The following GRM5 variants were observed in gnomAD, a reference collection of about 807,000 sequenced individuals.
The protein encoded by GRM5 is glutamate metabotropic receptor 5, also known as metabotropic glutamate receptor 5.
A neutral mutation model predicts 83.1 loss-of-function variants in GRM5; 19 were observed. The observed-to-expected ratio is 0.23, with a 90% CI of 0.16 to 0.34. The LOEUF (loss-of-function observed/expected upper bound fraction) is 0.34, where lower values mean the gene tolerates loss of function less well. Ranked by LOEUF, GRM5 falls within the 10% of genes least tolerant of loss-of-function variation. GRM5 has a pLI of 1.00. For missense variants in GRM5, 1,160 were observed against 1,588.3 expected (o/e 0.73, Z 4.58); for synonymous variants, 675 against 633.6 (o/e 1.07, Z -0.98).
intron 2 of GRM5, among the ~76,000 whole-genome samples, chr11:88,906,299 T>A (rs1945403607): frequency 2.0e-5 from 3 of 152,184 alleles, no homozygotes; most frequent in African/African-American, 7.2e-5. Context: ...ACAAGAGTGT[T>A]CCTCAAGTGA....
At chr11:89,022,147 A>C (rs1485733231) in intron 2 of GRM5, among the ~76,000 whole-genome samples, 2 of 152,132 alleles carry the variant, frequency 1.3e-5, no homozygotes, top group Non-Finnish European at 2.9e-5. Context: ...CCTGGACTCT[A>C]GTAAGTGCTC....
At chr11:88,590,823 T>C in intron 6 of GRM5, 96 bp from the exon 7 acceptor site, 1 of 746,406 alleles carries the variant, frequency 1.3e-6, no homozygotes, top group East Asian at 2.5e-5. Flanking sequence ...CAGAAAGGCC[T>C]TTCACATACA....
chr11:88,790,829 G>C (rs553752741), intron 3 of GRM5, among the ~76,000 whole-genome samples: 2 of 152,280 alleles, frequency 1.3e-5, no homozygotes, highest in South Asian at 2.1e-4. Flanking sequence ...GATAAGTTTA[G>C]AAAGGAAGGC....
intron 4 of GRM5, among the ~76,000 whole-genome samples, chr11:88,651,314 G>T (rs926944754): frequency 7.9e-5 from 12 of 152,034 alleles, no homozygotes; most frequent in African/African-American, 2.6e-4. Context: ...AAAGAAAGAG[G>T]GTGCAGGCCA....
At chr11:88,761,505 A>G (rs1255726629) in intron 3 of GRM5, among the ~76,000 whole-genome samples, 3 of 152,032 alleles carry the variant, frequency 2.0e-5, no homozygotes, top group African/African-American at 7.2e-5. Flanking sequence ...GGAATGTGAA[A>G]GATCTCTACA....
At chr11:88,597,715 A>C (rs1357627206) in intron 5 of GRM5, among the ~76,000 whole-genome samples, 1 of 152,138 alleles carries the variant, frequency 6.6e-6, no homozygotes, top group Non-Finnish European at 1.5e-5. Context: ...TAAAACTTAC[A>C]TTTACTAACC....
chr11:88,950,557 AAAT>A (rs1393381762), intron 2 of GRM5, among the ~76,000 whole-genome samples: 12 of 152,204 alleles, frequency 7.9e-5, no homozygotes, highest in Non-Finnish European at 1.2e-4. Context: ...AAACTATTGA[AAAT>A]AATACAAGTT....
intron 3 of GRM5, among the ~76,000 whole-genome samples, chr11:88,835,913 A>T (rs1401372274): frequency 9.2e-5 from 14 of 152,162 alleles, no homozygotes; most frequent in Non-Finnish European, 1.2e-4. Flanking sequence ...AGTCAAAAAA[A>T]GCTCCTTTGT....
At chr11:88,580,223 T>C (rs181169320) in intron 7 of GRM5, among the ~76,000 whole-genome samples, 13 of 152,322 alleles carry the variant, frequency 8.5e-5, no homozygotes, top group Admixed American at 6.5e-4. Flanking sequence ...CAAATAAATA[T>C]GTCAAGTAGG....
At chr11:88,835,715 G>C (rs1944081852) in intron 3 of GRM5, among the ~76,000 whole-genome samples, 1 of 152,158 alleles carries the variant, frequency 6.6e-6, no homozygotes, top group Non-Finnish European at 1.5e-5. Flanking sequence ...ATACAATTTA[G>C]CAAATGAGAG....
chr11:88,816,009 C>A (rs1258630418), intron 3 of GRM5, among the ~76,000 whole-genome samples: 1 of 140,270 alleles, frequency 7.1e-6, no homozygotes, highest in South Asian at 2.3e-4. Flanking sequence ...GTCAGGAGAT[C>A]GAGACCATCC....
chr11:88,708,391 T>A (rs1339327432), intron 3 of GRM5, among the ~76,000 whole-genome samples: 1 of 152,106 alleles, frequency 6.6e-6, no homozygotes, highest in East Asian at 1.9e-4. Flanking sequence ...ATAAATCTCT[T>A]GTAGACATCT....
chr11:88,755,287 A>C (rs886847534), intron 3 of GRM5, among the ~76,000 whole-genome samples: 2 of 152,156 alleles, frequency 1.3e-5, no homozygotes, highest in African/African-American at 2.4e-5. Context: ...AGATGCCGTA[A>C]ATTAATATAT....
In GRM5 at chr11:88,796,899, C is replaced by CGTGTGTGT. The variant is rs36203408; in HGVS notation, c.911+52999_911+53006dup. On this transcript the variant is annotated intron_variant, in intron 3 of 9. Transcript: ENST00000305447. ...TGAAAGGAAAGTACACACACACACA[C>CGTGTGTGT]GTGTGTGTGTGTGTGTGTGTGTGTG... is the stretch of plus-strand genomic sequence containing the variant. 2.1e-5 allele frequency among the ~76,000 whole-genome samples: 3 copies of CGTGTGTGT among 143,544 alleles called. No individual in the cohort carries two copies. In the East Asian group the frequency reaches 6.3e-4, roughly 30 times the overall value. 94.2% of individuals were successfully genotyped at this position (143,544 alleles called of 152,430 possible). A position where few individuals can be genotyped will look rare whatever the true frequency, so the allele number is the denominator to read the frequency against.
chr11:88,925,033 G>A (rs1945762234), intron 2 of GRM5, among the ~76,000 whole-genome samples: 1 of 151,916 alleles, frequency 6.6e-6, no homozygotes, highest in African/African-American at 2.4e-5. Flanking sequence ...AACCTGAAGA[G>A]TTATAAGGAT....
intron 3 of GRM5, among the ~76,000 whole-genome samples, chr11:88,811,460 A>C (rs1253340785): frequency 6.6e-6 from 1 of 152,136 alleles, no homozygotes; most frequent in Non-Finnish European, 1.5e-5. Context: ...GTGCTGTAGA[A>C]AAATTATGAC....
chr11:88,693,520 G>A (rs770491751), intron 3 of GRM5, among the ~76,000 whole-genome samples: 2 of 152,128 alleles, frequency 1.3e-5, no homozygotes, highest in African/African-American at 4.8e-5. Flanking sequence ...CATAAATACC[G>A]ATGACACTAG....
intron 2 of GRM5, among the ~76,000 whole-genome samples, chr11:88,862,314 T>G (rs1944578949): frequency 6.6e-6 from 1 of 152,190 alleles, no homozygotes; most frequent in Non-Finnish European, 1.5e-5. Context: ...TTTTTAGACC[T>G]GCTTCCTACA....
intron 4 of GRM5, among the ~76,000 whole-genome samples, chr11:88,618,775 AT>A (rs1938554499): frequency 6.6e-6 from 1 of 152,168 alleles, no homozygotes; most frequent in Non-Finnish European, 1.5e-5. Flanking sequence ...AGGCATGTTA[AT>A]TAGTTGGCAT....
Sources: gnomAD v4.1 joint callset for allele counts (sites outside exome capture counted in the v4.1 genomes callset) on GRCh38, gnomAD v4.1.1 for gene constraint, MANE v1.5 for transcripts, NCBI Gene and HGNC (gene_info 2026-07-23, HGNC 2026-07-21) for gene names.